MSI2: variants seen among roughly 807,000 people sequenced by gnomAD.
MSI2 encodes the protein RNA-binding protein Musashi homolog 2.
MSI2 carries 17 observed loss-of-function variants against 45.6 expected under a neutral mutation model. That is an observed-to-expected ratio of 0.37 (90% CI 0.26 to 0.56). The LOEUF (loss-of-function observed/expected upper bound fraction) is 0.56, where lower values mean the gene tolerates loss of function less well. Ranked by LOEUF, MSI2 falls within the 20% of genes least tolerant of loss-of-function variation. The probability of loss-of-function intolerance (pLI) is 0.77; values close to 1 mark genes in which losing one functional copy is unlikely to be tolerated. For missense variants in MSI2, 293 were observed against 444.2 expected, an observed-to-expected ratio of 0.66 and a Z score of 3.06; for synonymous variants, 156 against 158.2, an observed-to-expected ratio of 0.99 and a Z score of 0.11.
intron 10 of MSI2, among the ~76,000 whole-genome samples, chr17:57,645,972 G>T (rs1450907048): frequency 1.3e-5 from 2 of 152,190 alleles, no homozygotes; most frequent in Admixed American, 6.5e-5. Flanking sequence ...CCCCACTGGG[G>T]TGGAGGATCG....
intron 6 of MSI2, among the ~76,000 whole-genome samples, chr17:57,422,921 C>G (rs1319319742): frequency 6.6e-6 from 1 of 152,158 alleles, no homozygotes; most frequent in Non-Finnish European, 1.5e-5. Flanking sequence ...CCATGGGTTT[C>G]TTTCTTTGTC....
chr17:57,264,730 T>A (rs982167999), intron 5 of MSI2: 2 of 152,244 alleles, frequency 1.3e-5, no homozygotes, highest in African/African-American at 4.8e-5. Context: ...CCAGGAGCCA[T>A]ACCCAGGCAA....
At chr17:57,481,434 CTGA>C (rs2085645391) in intron 6 of MSI2, among the ~76,000 whole-genome samples, 1 of 152,180 alleles carries the variant, frequency 6.6e-6, no homozygotes, top group Admixed American at 6.5e-5. Flanking sequence ...AATGGTATCA[CTGA>C]TGATATTGAA....
chr17:57,366,255 T>C (rs1439022385), intron 5 of MSI2, among the ~76,000 whole-genome samples: 1 of 152,130 alleles, frequency 6.6e-6, no homozygotes, highest in Non-Finnish European at 1.5e-5. Flanking sequence ...GAAGTTGAGG[T>C]GGACTGAAGG....
At chr17:57,363,753 G>A (rs984705175) in intron 5 of MSI2, among the ~76,000 whole-genome samples, 1 of 129,260 alleles carries the variant, frequency 7.7e-6, no homozygotes, top group African/African-American at 3.0e-5. Context: ...AACAACAGCA[G>A]CAGCAACAAC....
chr17:57,537,110 A>G lies in MSI2; in HGVS notation c.454+7386A>G, dbSNP rs112557236. On this transcript the variant is annotated intron_variant, in intron 7 of 13. Coordinates refer to ENST00000284073, the MANE Select transcript of MSI2 (RefSeq NM_138962.4). ...TGGAAAAGAGTTCTGTGTAGCCTCA[A>G]TGTTGGGCACACTTGAGTTAGAACA... 9.3e-3 allele frequency among the ~76,000 whole-genome samples: 1,420 copies of G among 152,308 alleles called. 18 individuals are homozygous for G. The highest frequency in any genetic ancestry group is 0.032 in the African/African-American group (1,336 of 41,544).
At chr17:57,260,765 A>C (rs1049448246) in intron 4 of MSI2, among the ~76,000 whole-genome samples, 1 of 152,184 alleles carries the variant, frequency 6.6e-6, no homozygotes, top group Non-Finnish European at 1.5e-5. Context: ...GACTTTTATT[A>C]GGTCTTTAAG....
intron 7 of MSI2, among the ~76,000 whole-genome samples, chr17:57,587,616 G>A (rs979883681): frequency 1.3e-5 from 2 of 150,816 alleles, no homozygotes; most frequent in South Asian, 2.1e-4. Context: ...TCACTAAGTC[G>A]CTTTCCCCCT....
intron 5 of MSI2, among the ~76,000 whole-genome samples, chr17:57,321,801 A>AT (rs925045358): frequency 6.4e-4 from 94 of 147,166 alleles, no homozygotes; most frequent in East Asian, 9.9e-4. Context: ...ATTTAAACAA[A>AT]TTTTTTTTTT....
intron 6 of MSI2, among the ~76,000 whole-genome samples, chr17:57,471,228 C>T (rs1346911036): frequency 6.6e-6 from 1 of 150,908 alleles, no homozygotes; most frequent in Admixed American, 6.6e-5. Flanking sequence ...TCGAATCAAG[C>T]TGGCTCTGCT....
chr17:57,576,075 T>C (rs1974692), intron 7 of MSI2, among the ~76,000 whole-genome samples: 39,148 of 152,142 alleles, frequency 0.26, 5,578 homozygotes, highest in African/African-American at 0.38. Flanking sequence ...CTGATTTAGT[T>C]TTTAGGAATC....
intron 5 of MSI2, among the ~76,000 whole-genome samples, chr17:57,385,258 G>C (rs919560819): frequency 1.3e-5 from 2 of 152,160 alleles, no homozygotes; most frequent in Non-Finnish European, 2.9e-5. Flanking sequence ...AGTCTTCTTT[G>C]TTATGGTCTG....
chr17:57,615,685 C>T (rs1907619336), intron 8 of MSI2, among the ~76,000 whole-genome samples: 1 of 152,206 alleles, frequency 6.6e-6, no homozygotes, highest in African/African-American at 2.4e-5. Context: ...GCTTTCTGCA[C>T]GAGCGTCAGC....
chr17:57,341,586 A>G (rs1164709516), intron 5 of MSI2, among the ~76,000 whole-genome samples: 1 of 152,218 alleles, frequency 6.6e-6, no homozygotes, highest in Non-Finnish European at 1.5e-5. Context: ...TCCCTGGTAC[A>G]TTGTGCTGAG....
chr17:57,352,381 G>A (rs938910023), intron 5 of MSI2, among the ~76,000 whole-genome samples: 4 of 152,190 alleles, frequency 2.6e-5, no homozygotes, highest in Admixed American at 6.5e-5. Context: ...CTGAATAGAG[G>A]ACTCGATGTT....
intron 6 of MSI2, among the ~76,000 whole-genome samples, chr17:57,512,872 A>G (rs973928247): frequency 1.3e-5 from 2 of 151,408 alleles, no homozygotes; most frequent in African/African-American, 4.9e-5. Context: ...ACAATACTAG[A>G]TCTTCTGACC....
intron 6 of MSI2, among the ~76,000 whole-genome samples, chr17:57,498,861 G>T (rs1350164085): frequency 6.6e-6 from 1 of 151,560 alleles, no homozygotes; most frequent in East Asian, 1.9e-4. Context: ...TTGGTGTGCT[G>T]CACCCATTAA....
chr17:57,320,618 C>T (rs905082406), intron 5 of MSI2, among the ~76,000 whole-genome samples: 9 of 152,146 alleles, frequency 5.9e-5, no homozygotes, highest in African/African-American at 1.7e-4. Context: ...CTCATCAAAG[C>T]GCTGAGTGAT....
chr17:57,576,003 G>A (rs766951396), intron 7 of MSI2, among the ~76,000 whole-genome samples: 2 of 148,354 alleles, frequency 1.3e-5, no homozygotes, highest in Admixed American at 6.7e-5. Flanking sequence ...GATTGAAGAA[G>A]CAGCCCTGGC....
Sources: allele counts gnomAD v4.1 joint callset (sites outside exome capture counted in the v4.1 genomes callset), GRCh38; gene constraint gnomAD v4.1.1; transcripts MANE v1.5; gene names NCBI Gene and HGNC (gene_info 2026-07-23, HGNC 2026-07-21).